TTN: variants seen among roughly 807,000 people sequenced by gnomAD.
TTN encodes titin, also known as connectin.
Under a neutral mutation model 3,223.0 loss-of-function variants are expected in TTN, and 1,525 were observed. That is an observed-to-expected ratio of 0.47 (90% CI 0.45 to 0.49). The LOEUF (loss-of-function observed/expected upper bound fraction) is 0.49. Ranked by LOEUF, TTN falls within the 20% of genes least tolerant of loss-of-function variation. The pLI is 0.00. For synonymous variants in TTN, 14,094 were observed against 15,161.0 expected, an observed-to-expected ratio of 0.93 and a Z score of 5.17; for missense variants, 40,786 against 43,424.0, an observed-to-expected ratio of 0.94 and a Z score of 5.40.
Position 178,751,683 on chromosome 2 carries a change from T to C in TTN, c.11311+1441A>G, listed in dbSNP as rs374932940. 3.1e-6 allele frequency: 5 copies of C among 1,613,266 alleles called. No individual in the cohort carries two copies. In the African/African-American group the frequency reaches 5.3e-5, roughly 17 times the overall value. ...AGTAACCTATAACTTCCAGAATCTC[T>C]GTCTTGGACCCTTTTAATCTCTAAG... On this transcript the variant is annotated intron_variant, in intron 47 of 362. Coordinates refer to ENST00000589042, the MANE Select transcript of TTN (RefSeq NM_001267550.2).
chr2:178,718,667 G>T (rs1434872307), intron 84 of TTN, 28 bp downstream of exon 84: 1 of 1,608,062 alleles, frequency 6.2e-7, no homozygotes. Context: ...AATTTTAAAA[G>T]ATGTATATAT....
rs1376939499 is a variant in TTN at position 178,572,515 on chromosome 2, T to A, written c.73617A>T (p.Thr24539=). 6.2e-7 allele frequency: 1 copy of A among 1,613,330 alleles called. No homozygotes were observed. Among genetic ancestry groups the A allele is most frequent in the Admixed American group, 1.7e-5 (1 of 59,974 alleles). ...KEVTKTSVTL[T]WDPPLLDGGS... is the part of the protein sequence containing the mutation. ...CTCCATCAAGGAGAGGTGGGTCCCA[T>A]GTGAGTGTGACAGATGTCTTAGTGA... is the stretch of plus-strand genomic sequence containing the variant. The change falls in exon 326 of 363, where the codon ACA becomes ACT. Residue 24539 remains threonine, a synonymous_variant. Transcript: ENST00000589042.
At chr2:178,772,280 G>C (rs905407330) in intron 33 of TTN, among the ~76,000 whole-genome samples, 1 of 151,848 alleles carries the variant, frequency 6.6e-6, no homozygotes, top group African/African-American at 2.4e-5. Flanking sequence ...ATCTTATAAC[G>C]TAAGTAAGTA....
At chr2:178,669,710 ACAT>A in intron 157 of TTN, 35 bp from the exon 158 acceptor site, 1 of 1,600,352 alleles carries the variant, frequency 6.2e-7, no homozygotes. Flanking sequence ...TTTTTTCAGA[ACAT>A]TATAGTTGGG....
intron 10 of TTN, among the ~76,000 whole-genome samples, chr2:178,791,385 G>A (rs114308444): frequency 2.0e-5 from 3 of 152,216 alleles, no homozygotes; most frequent in East Asian, 3.9e-4. Flanking sequence ...GAGCACAGGC[G>A]CCCTCTTTGA....
In TTN at chr2:178,565,307, C is replaced by G. The variant is rs754062150; in HGVS notation, c.80825G>C (p.Gly26942Ala). The G allele has an allele frequency of 6.2e-7, 1 of 1,613,620 alleles. No homozygotes were observed. The highest frequency in any genetic ancestry group is 8.5e-7 in the Non-Finnish European group (1 of 1,179,684). ...ATSTVLHIKE[G>A]NKDDFGKYTV... ...GTATTTTCCAAAGTCATCTTTGTTA[C>G]CTTCTTTAATGTGCAAAACAGTTGA... is the stretch of plus-strand genomic sequence containing the variant. The change falls in exon 326 of 363, where the codon GGT (glycine) becomes GCT (alanine). Residue 26942 changes from glycine to alanine, a missense_variant. Physicochemically the swap from Gly to Ala is moderately conservative, Grantham distance 60 (BLOSUM62 0). Coordinates refer to ENST00000589042, the MANE Select transcript of TTN (RefSeq NM_001267550.2).
In TTN at chr2:178,568,092, G is replaced by T. The variant is rs751646451; in HGVS notation, c.78040C>A (p.Pro26014Thr). ...ACGGGGCTTCCACCATTGTTGACTG[G>T]TTCATGCCACTGTATGACCATGGAG... ...KDSMVIQWHE[P>T]VNNGGSPVIG... The change falls in exon 326 of 363, where the codon CCA becomes ACA. Residue 26014 changes from proline (P) to threonine (T), a missense_variant. Transcript: ENST00000589042. The T allele has an allele frequency of 6.2e-7, 1 of 1,613,382 alleles. No individual in the cohort carries two copies. Among genetic ancestry groups the T allele is most frequent in the East Asian group, 2.2e-5 (1 of 44,792 alleles).
At position 178,663,036 on chromosome 2, in the gene TTN, C is replaced by CGGTGGCA. The variant is rs1041799181; in HGVS notation, c.36713_36719dup (p.Lys12241AlafsTer25). ...CTTTCTTTTCTGGGACCACTTCCTT[C>CGGTGGCA]GGTGGCAGCACTTCAGGCACTTCAA... On this transcript the variant is annotated frameshift_variant, in exon 174 of 363. Transcript: ENST00000589042. LOFTEE classifies it high-confidence loss of function. 1 of 1,608,224 alleles carries CGGTGGCA rather than the reference C, an allele frequency of 6.2e-7. No homozygotes were observed. The highest frequency in any genetic ancestry group is 8.5e-7 in the Non-Finnish European group (1 of 1,178,228).
At chr2:178,596,909 G>A (rs2051818815) in intron 294 of TTN, among the ~76,000 whole-genome samples, 1 of 152,024 alleles carries the variant, frequency 6.6e-6, no homozygotes, top group African/African-American at 2.4e-5. Context: ...TCTATATTCA[G>A]TGACTAGAAA....
Position 178,565,252 on chromosome 2 carries a change from T to C in TTN, c.80880A>G (p.Thr26960=). The part of the protein sequence containing the change: ...YTVTATNSAG[T]ATENLSVIVL... ...CGATAACACTGAGATTTTCTGTTGC[T>C]GTGCCTGCACTATTTGTTGCCGTTA... The change falls in exon 326 of 363, where the codon ACA becomes ACG. Residue 26960 remains threonine, a synonymous_variant. Transcript: ENST00000589042. 1.2e-6 allele frequency: 2 copies of C among 1,613,658 alleles called. No homozygotes were observed. The highest frequency in any genetic ancestry group is 1.7e-6 in the Non-Finnish European group (2 of 1,179,698).
rs373511249 is a variant in TTN at position 178,640,639 on chromosome 2, T to C, written c.40634-9A>G. The C allele has an allele frequency of 1.1e-4, 168 of 1,561,984 alleles. 1 individual carries two copies. In the African/African-American group the frequency reaches 1.8e-3, roughly 16 times the overall value. ...AGGTGGTGGTTCTGGTACTTTAAGA[T>C]AAGATTATTTTTTCAGTGTTAATAT... On this transcript the variant is annotated splice_polypyrimidine_tract_variant and intron_variant, in intron 220 of 362. Coordinates refer to ENST00000589042, the MANE Select transcript of TTN (RefSeq NM_001267550.2).
In TTN at chr2:178,725,389, T is replaced by C; in HGVS notation, c.20815A>G (p.Met6939Val). Residue 6939 changes from methionine (M) to valine (V), a missense_variant, in exon 71 of 363, where the codon ATG (methionine) becomes GTG (valine). Transcript: ENST00000589042. ...IKNDGGMREN[M>V]ATLMVLEPAV... ...CAACCTAAGACCATCAGTGTGGCCATGTTCTCCCTCATTCCACCATCATTC... is the reference window on the plus strand; with the variant it reads ...CAACCTAAGACCATCAGTGTGGCCACGTTCTCCCTCATTCCACCATCATTC... 2.5e-6 allele frequency: 4 copies of C among 1,587,268 alleles called. No individual in the cohort carries two copies. Among genetic ancestry groups the C allele is most frequent in the Non-Finnish European group, 3.4e-6 (4 of 1,165,280 alleles).
intron 66 of TTN, 25 bp from the exon 67 acceptor site, chr2:178,728,422 C>T (rs1182918265): frequency 1.3e-6 from 2 of 1,581,556 alleles, no homozygotes; most frequent in African/African-American, 2.7e-5. Flanking sequence ...CAGCAAAACA[C>T]ATCCATTAAT....
Position 178,547,061 on chromosome 2 carries a change from A to C in TTN, c.94464T>G (p.Ala31488=), listed in dbSNP as rs138888307. 1 of 1,613,698 alleles carries C rather than the reference A, an allele frequency of 6.2e-7. No homozygotes were observed. Among genetic ancestry groups the C allele is most frequent in the African/African-American group, 1.3e-5 (1 of 74,934 alleles). The change falls in exon 340 of 363, where the codon GCT becomes GCG. Residue 31488 remains alanine (A), a synonymous_variant. Coordinates refer to ENST00000589042, the MANE Select transcript of TTN (RefSeq NM_001267550.2). Reference sequence around the variant, plus strand: ...CTTCGCTGGCCTTGCTAACACCTGCAGCATTGAGTGCATAAGTTCTGAACT... The same window carrying C: ...CTTCGCTGGCCTTGCTAACACCTGCCGCATTGAGTGCATAAGTTCTGAACT... The part of the protein sequence containing the change: ...EYQFRTYALN[A]AGVSKASEAS...
In TTN at chr2:178,573,165, T is replaced by C. The variant is rs143241129; in HGVS notation, c.72967A>G (p.Lys24323Glu). 5.1e-5 allele frequency: 83 copies of C among 1,612,772 alleles called. 1 individual carries two copies. The East Asian group carries it at 1.8e-3, about 36-fold the overall frequency. The change falls in exon 326 of 363, where the codon AAA (lysine) becomes GAA (glutamate). Residue 24323 changes from lysine (K) to glutamate (E), a missense_variant. Transcript: ENST00000589042. ...PFYKACDTVF[K>E]PGPPGNPRVL... Reference sequence around the variant, plus strand: ...CGTGGGTTACCTGGTGGTCCAGGTTTAAACACAGTGTCACAAGCCTTGTAA... The same window carrying C: ...CGTGGGTTACCTGGTGGTCCAGGTTCAAACACAGTGTCACAAGCCTTGTAA...
Position 178,739,713 on chromosome 2 carries a change from A to G in TTN, c.13520T>C (p.Met4507Thr), listed in dbSNP as rs191968963. 1.8e-4 allele frequency: 297 copies of G among 1,613,900 alleles called. 3 individuals carry two copies. The Middle Eastern group carries it at 2.1e-3, about 12-fold the overall frequency. The change falls in exon 48 of 363, where the codon ATG (methionine) becomes ACG (threonine). Residue 4507 changes from methionine (M) to threonine (T), a missense_variant. By Grantham distance (81) the Met-to-Thr change is moderately conservative. Coordinates refer to ENST00000589042, the MANE Select transcript of TTN (RefSeq NM_001267550.2). ...QGAKTSLQEE[M>T]DSFSGSQKVE... is the part of the protein sequence containing the mutation. ...CTTCTGTGAACCTGAAAAAGAATCCATTTCTTCTTGCAAACTTGTTTTGGC... is the reference window on the plus strand; with the variant it reads ...CTTCTGTGAACCTGAAAAAGAATCCGTTTCTTCTTGCAAACTTGTTTTGGC...
In TTN at chr2:178,548,142, C is replaced by T. The variant is rs762566802; in HGVS notation, c.93484G>A (p.Glu31162Lys). The change falls in exon 339 of 363, where the codon GAA (glutamate) becomes AAA (lysine). Residue 31162 changes from glutamate to lysine, a missense_variant. Coordinates refer to ENST00000589042, the MANE Select transcript of TTN (RefSeq NM_001267550.2). The surrounding 1 kb of genome is among the most constrained non-coding windows in gnomAD (Gnocchi z 4.3). ...MRQKGSDFWVEAGHTKQLTFT... is the reference protein window; with the variant it reads ...MRQKGSDFWVKAGHTKQLTFT... ...GTTAGCTGTTTGGTGTGACCAGCTT[C>T]AACCCAGAAGTCAGATCCCTTTTGT... The T allele has an allele frequency of 6.2e-6, 10 of 1,613,868 alleles. No individual in the cohort carries two copies. Among genetic ancestry groups the T allele is most frequent in the Non-Finnish European group, 8.5e-6 (10 of 1,179,806 alleles).
Position 178,622,722 on chromosome 2 carries a change from C to T in TTN, c.44861G>A (p.Arg14954Lys), listed in dbSNP as rs2058479369. Residue 14954 changes from arginine (R) to lysine (K), a missense_variant, in exon 243 of 363, where the codon AGA becomes AAA. Physicochemically the swap from Arg to Lys is conservative, Grantham distance 26. Coordinates refer to ENST00000589042, the MANE Select transcript of TTN (RefSeq NM_001267550.2). ...CTCAAATCGAGCCATTTCTTTTTCT[C>T]TAACTTGAAGGTCGGTGAGTGGTCT... Reference protein sequence around the residue: ...FLRPLTDLQVREKEMARFECE... With the variant: ...FLRPLTDLQVKEKEMARFECE... 1 of 1,606,842 alleles carries T rather than the reference C, an allele frequency of 6.2e-7. No homozygotes were observed. Among genetic ancestry groups the T allele is most frequent in the Non-Finnish European group, 8.5e-7 (1 of 1,176,596 alleles).
Position 178,733,285 on chromosome 2 carries a change from G to A in TTN, c.16008C>T (p.Ser5336=). ...CACAGGAGCTGCTGCCCACTTCATT[G>A]GAAATCTCAAATGTGTATTGGCCAC... ...HDSGQYTFEI[S]NEVGSSSCET... Residue 5336 remains serine, a synonymous_variant, in exon 54 of 363, where the codon TCC becomes TCT. Coordinates refer to ENST00000589042, the MANE Select transcript of TTN (RefSeq NM_001267550.2). The A allele has an allele frequency of 6.2e-7, 1 of 1,612,176 alleles. No homozygotes were observed. The highest frequency in any genetic ancestry group is 8.5e-7 in the Non-Finnish European group (1 of 1,178,618).
Sources: allele counts gnomAD v4.1 joint callset (sites outside exome capture counted in the v4.1 genomes callset), GRCh38; gene constraint gnomAD v4.1.1; non-coding constraint Gnocchi (gnomAD v3.1); transcripts MANE v1.5; gene names NCBI Gene and HGNC (gene_info 2026-07-23, HGNC 2026-07-21).